HHLA2: variants seen among roughly 807,000 people sequenced by gnomAD.
HHLA2 encodes the protein HHLA2 member of B7 family, also known as HERV-H LTR-associating protein 2.
HHLA2 carries 48 observed loss-of-function variants against 45.9 expected under a neutral mutation model. That is an observed-to-expected ratio of 1.05 (90% CI 0.83 to 1.33). The LOEUF (loss-of-function observed/expected upper bound fraction) is 1.33. Ranked by LOEUF, HHLA2 falls within the 40% of genes most tolerant of loss-of-function variation. HHLA2 has a pLI of 0.00. For synonymous variants in HHLA2, 161 were observed against 173.9 expected, an observed-to-expected ratio of 0.93 and a Z score of 0.59; for missense variants, 462 against 494.3, an observed-to-expected ratio of 0.93 and a Z score of 0.62.
At chr3:108,361,060 T>C (rs1321559135) in intron 7 of HHLA2, among the ~76,000 whole-genome samples, 3 of 152,172 alleles carry the variant, frequency 2.0e-5, no homozygotes, top group African/African-American at 7.2e-5. Context: ...GGTTCTGACT[T>C]TGGTAACCCA....
intron 3 of HHLA2, among the ~76,000 whole-genome samples, chr3:108,337,991 C>T (rs998761438): frequency 6.6e-6 from 1 of 151,948 alleles, no homozygotes; most frequent in African/African-American, 2.4e-5. Flanking sequence ...AGTGTATGGC[C>T]TCACCAATAA....
intron 6 of HHLA2, among the ~76,000 whole-genome samples, chr3:108,356,601 C>A (rs962237012): frequency 2.0e-5 from 3 of 152,112 alleles, no homozygotes; most frequent in African/African-American, 4.8e-5. Context: ...ATAAATATTG[C>A]CTTTGGAAAA....
chr3:108,338,114 T>C (rs1205624140), intron 3 of HHLA2, among the ~76,000 whole-genome samples: 1 of 151,818 alleles, frequency 6.6e-6, no homozygotes, highest in East Asian at 1.9e-4. Flanking sequence ...TGTCTATATA[T>C]ATAGAAATAT....
intron 7 of HHLA2, among the ~76,000 whole-genome samples, chr3:108,360,210 GA>G (rs1294454348): frequency 6.6e-6 from 1 of 152,006 alleles, no homozygotes; most frequent in Non-Finnish European, 1.5e-5. Flanking sequence ...TCATCAACCA[GA>G]ACACATTTCT....
intron 2 of HHLA2, among the ~76,000 whole-genome samples, chr3:108,321,218 G>A (rs1367607308): frequency 1.3e-5 from 2 of 151,824 alleles, no homozygotes; most frequent in East Asian, 1.9e-4. Flanking sequence ...ATTTTGGAAT[G>A]TCTGTTCACC....
At chr3:108,353,754 C>T (rs200858373) in exon 5 of HHLA2, 216 of 1,611,438 alleles carry the variant, frequency 1.3e-4, no homozygotes, top group Non-Finnish European at 1.8e-4. Context: ...CAAGTGATTA[C>T]AAACAAAGTG....
intron 3 of HHLA2, among the ~76,000 whole-genome samples, 166 bp from the exon 3 acceptor site, chr3:108,351,622 T>C (rs1235669340): frequency 6.6e-6 from 1 of 152,218 alleles, no homozygotes; most frequent in Non-Finnish European, 1.5e-5. Flanking sequence ...TAATCTAATT[T>C]TTCTCCGATA....
intron 2 of HHLA2, among the ~76,000 whole-genome samples, chr3:108,319,892 T>C (rs1200248296): frequency 1.3e-5 from 2 of 152,208 alleles, no homozygotes; most frequent in Non-Finnish European, 2.9e-5. Flanking sequence ...CAACTAACCA[T>C]CCCTGTGGAG....
chr3:108,314,373 C>A (rs1430155706), intron 2 of HHLA2, among the ~76,000 whole-genome samples: 2 of 151,778 alleles, frequency 1.3e-5, no homozygotes, highest in Non-Finnish European at 2.9e-5. Flanking sequence ...ACTCCTACAT[C>A]CTTAGGCTGG....
chr3:108,362,335 T>A lies in HHLA2; in HGVS notation c.1004-7T>A. 6 of 1,601,828 alleles carry A rather than the reference T, an allele frequency of 3.7e-6. No homozygotes were observed. The highest frequency in any genetic ancestry group is 5.1e-6 in the Non-Finnish European group (6 of 1,174,754). On this transcript the variant is annotated splice_polypyrimidine_tract_variant and splice_region_variant and intron_variant, in intron 7 of 10. Coordinates refer to ENST00000619531, the Ensembl canonical transcript of HHLA2. ...TCACAGACTTTGTTTCTCCTTTTTT[T>A]TTTTAGAACCGAGCCAAGAAACAGC...
intron 1 of HHLA2, among the ~76,000 whole-genome samples, chr3:108,300,642 G>A (rs570703732): frequency 1.8e-4 from 27 of 152,202 alleles, no homozygotes; most frequent in African/African-American, 5.8e-4. Flanking sequence ...TCATTATCAC[G>A]AGGGAAGCTA....
At chr3:108,369,579 C>A (rs542317287) in intron 8 of HHLA2, among the ~76,000 whole-genome samples, 25 of 152,328 alleles carry the variant, frequency 1.6e-4, no homozygotes, top group Admixed American at 6.5e-4. Context: ...AAAGGGGTGA[C>A]AGACGGCATC....
At chr3:108,357,744 C>T in intron 6 of HHLA2, 100 bp from the exon 6 acceptor site, 1 of 911,760 alleles carries the variant, frequency 1.1e-6, no homozygotes. Context: ...CCAAATATAT[C>T]AGTATTAGTG....
intron 1 of HHLA2, among the ~76,000 whole-genome samples, chr3:108,297,607 T>C (rs1410957189): frequency 6.6e-6 from 1 of 152,254 alleles, no homozygotes; most frequent in Non-Finnish European, 1.5e-5. Flanking sequence ...TAAATATTAT[T>C]ATTTCAGAAT....
chr3:108,348,652 T>C (rs2081714418), intron 3 of HHLA2, among the ~76,000 whole-genome samples: 1 of 152,116 alleles, frequency 6.6e-6, no homozygotes, highest in Non-Finnish European at 1.5e-5. Context: ...AAATTTCTTT[T>C]TTTTTTTTAA....
chr3:108,306,635 C>G (rs746968019), intron 1 of HHLA2, among the ~76,000 whole-genome samples: 1 of 152,156 alleles, frequency 6.6e-6, no homozygotes. Flanking sequence ...TTTAAATCCA[C>G]TGGCAGAATG....
intron 1 of HHLA2, among the ~76,000 whole-genome samples, chr3:108,301,795 C>A (rs999456076): frequency 6.6e-6 from 1 of 152,148 alleles, no homozygotes; most frequent in Non-Finnish European, 1.5e-5. Context: ...AAGCAGCATG[C>A]TTTACTTTTC....
At chr3:108,367,437 T>G (rs1056479538) in intron 8 of HHLA2, among the ~76,000 whole-genome samples, 1 of 151,900 alleles carries the variant, frequency 6.6e-6, no homozygotes, top group Non-Finnish European at 1.5e-5. Context: ...TCTAACCCAA[T>G]GTAAGGAAGC....
chr3:108,316,261 C>G (rs1308165001), intron 2 of HHLA2, among the ~76,000 whole-genome samples: 1 of 152,086 alleles, frequency 6.6e-6, no homozygotes, highest in East Asian at 1.9e-4. Flanking sequence ...GAAGAAGTTC[C>G]TCTGGTTAAA....
Sources: gnomAD v4.1 joint callset for allele counts (sites outside exome capture counted in the v4.1 genomes callset) on GRCh38, gnomAD v4.1.1 for gene constraint, MANE v1.5 for transcripts, NCBI Gene and HGNC (gene_info 2026-07-23, HGNC 2026-07-21) for gene names.